Variants in CSMD1 observed in about 807,000 individuals in gnomAD.
CSMD1 encodes the protein CUB and Sushi multiple domains 1, also known as CUB and sushi domain-containing protein 1.
In CSMD1, 213 loss-of-function variants were observed where a neutral mutation model predicts 417.5. The observed-to-expected ratio is 0.51, with a 90% CI of 0.46 to 0.57. The LOEUF is 0.57. Ranked by LOEUF, CSMD1 falls within the 20% of genes least tolerant of loss-of-function variation. The probability of loss-of-function intolerance (pLI) is 0.00; values close to 1 mark genes in which losing one functional copy is unlikely to be tolerated. For missense variants in CSMD1, 6,923 were observed against 4,529.7 expected, an observed-to-expected ratio of 1.53 and a Z score of -15.17; for synonymous variants, 2,862 against 1,736.8, an observed-to-expected ratio of 1.65 and a Z score of -16.11.
intron 3 of CSMD1, among the ~76,000 whole-genome samples, chr8:4,128,852 TA>T (rs1288388564): frequency 6.6e-6 from 1 of 152,094 alleles, no homozygotes; most frequent in Admixed American, 6.5e-5. Flanking sequence ...TGGTAAGTGT[TA>T]CAGGCTCTGT....
intron 12 of CSMD1, among the ~76,000 whole-genome samples, chr8:3,431,802 T>G (rs905815896): frequency 2.0e-5 from 3 of 152,214 alleles, no homozygotes; most frequent in Non-Finnish European, 4.4e-5. Flanking sequence ...TTCATAACAT[T>G]GGAGAAAACA....
intron 7 of CSMD1, among the ~76,000 whole-genome samples, chr8:3,667,444 G>C (rs1340394372): frequency 2.0e-5 from 3 of 152,086 alleles, no homozygotes; most frequent in Non-Finnish European, 4.4e-5. Context: ...AGCAGCCATT[G>C]GCAAGGCCTT....
intron 5 of CSMD1, among the ~76,000 whole-genome samples, chr8:3,919,436 T>C (rs1250418596): frequency 2.6e-5 from 4 of 152,098 alleles, no homozygotes; most frequent in African/African-American, 9.7e-5. Context: ...TTTTGGTTAG[T>C]TGGCAGTTTT....
intron 3 of CSMD1, among the ~76,000 whole-genome samples, chr8:4,101,266 C>A (rs545412950): frequency 3.9e-5 from 6 of 152,312 alleles, no homozygotes; most frequent in African/African-American, 1.4e-4. Context: ...CTCATTGCAA[C>A]ACTTTGGTGT....
intron 5 of CSMD1, among the ~76,000 whole-genome samples, chr8:3,953,789 C>A (rs968567700): frequency 6.6e-6 from 1 of 152,092 alleles, no homozygotes; most frequent in Non-Finnish European, 1.5e-5. Context: ...AGCCCCGCAA[C>A]ACCTCAGAGC....
At chr8:4,189,709 C>T (rs1387240721) in intron 3 of CSMD1, among the ~76,000 whole-genome samples, 1 of 151,914 alleles carries the variant, frequency 6.6e-6, no homozygotes, top group Admixed American at 6.6e-5. Context: ...ATTAATTTTT[C>T]ATTTGTATTC....
chr8:3,008,440 G>T (rs369399871), intron 52 of CSMD1, among the ~76,000 whole-genome samples: 1 of 152,212 alleles, frequency 6.6e-6, no homozygotes, highest in Admixed American at 6.5e-5. Flanking sequence ...AGGGGCCTCC[G>T]CAAGGCCAGC....
intron 23 of CSMD1, among the ~76,000 whole-genome samples, chr8:3,324,734 C>G (rs1038721267): frequency 1.3e-5 from 2 of 148,454 alleles, no homozygotes; most frequent in Non-Finnish European, 3.0e-5. Context: ...AGACCCAGGA[C>G]GGGGCGTTTC....
chr8:3,097,785 G>A (rs994370072), intron 46 of CSMD1, among the ~76,000 whole-genome samples: 2 of 152,166 alleles, frequency 1.3e-5, no homozygotes, highest in African/African-American at 2.4e-5. Context: ...ACTGTACTTA[G>A]CATAGTAATA....
intron 2 of CSMD1, among the ~76,000 whole-genome samples, chr8:4,536,447 G>A (rs17344058): frequency 0.078 from 11,796 of 152,098 alleles, 561 homozygotes; most frequent in South Asian, 0.13. Flanking sequence ...TTGTATACGT[G>A]AAGTTTCAGC....
chr8:4,407,843 A>T (rs1342896348), intron 3 of CSMD1, among the ~76,000 whole-genome samples: 1 of 152,232 alleles, frequency 6.6e-6, no homozygotes, highest in Non-Finnish European at 1.5e-5. Context: ...GTCTTAAAAA[A>T]TGAAAAATCA....
At chr8:4,453,922 C>A (rs553736180) in intron 2 of CSMD1, among the ~76,000 whole-genome samples, 1 of 145,620 alleles carries the variant, frequency 6.9e-6, no homozygotes, top group South Asian at 2.2e-4. Context: ...CCCAGGTTCA[C>A]AGCATTCTCC....
chr8:4,687,595 G>A (rs1483100063), intron 1 of CSMD1, among the ~76,000 whole-genome samples: 1 of 152,116 alleles, frequency 6.6e-6, no homozygotes, highest in Non-Finnish European at 1.5e-5. Context: ...TAACAAGAAA[G>A]GTAGTTACTC....
Position 4,567,247 on chromosome 8 carries a change from G to A in CSMD1, c.302+70095C>T, listed in dbSNP as rs531584766. ...ATTGAATATAAGTGAGTGAATGAAT[G>A]GTTTCATTCACTACAATTGTAACGA... On this transcript the variant is annotated intron_variant, in intron 2 of 69. Transcript: ENST00000635120. Among the ~76,000 whole-genome samples, 8 of 152,174 alleles carry A rather than the reference G, an allele frequency of 5.3e-5. No individual in the cohort carries two copies. The South Asian group carries it at 1.7e-3, about 32-fold the overall frequency.
chr8:3,744,826 A>G (rs1796989129), intron 6 of CSMD1, among the ~76,000 whole-genome samples: 1 of 152,216 alleles, frequency 6.6e-6, no homozygotes, highest in African/African-American at 2.4e-5. Context: ...TCATATATCT[A>G]TGGAACTGAA....
intron 56 of CSMD1, among the ~76,000 whole-genome samples, chr8:2,974,036 GGTGGT>G: frequency 6.8e-6 from 1 of 146,148 alleles, no homozygotes; most frequent in African/African-American, 2.6e-5. Context: ...GGTAGAGGAT[GGTGGT>G]AGAGGATGGT....
chr8:3,706,555 A>G (rs998260731), intron 7 of CSMD1, among the ~76,000 whole-genome samples: 3 of 152,200 alleles, frequency 2.0e-5, no homozygotes, highest in Admixed American at 6.5e-5. Context: ...CATTATGCAT[A>G]TGTCAATTTG....
chr8:4,458,903 T>C (rs370049159), intron 2 of CSMD1, among the ~76,000 whole-genome samples: 1 of 152,116 alleles, frequency 6.6e-6, no homozygotes, highest in East Asian at 1.9e-4. Context: ...GGGTGGAGAA[T>C]GTATTAAAAA....
intron 3 of CSMD1, among the ~76,000 whole-genome samples, chr8:4,264,225 G>C (rs1804086680): frequency 6.6e-6 from 1 of 152,128 alleles, no homozygotes; most frequent in Admixed American, 6.6e-5. Flanking sequence ...TTAATTATTA[G>C]AATTTCCTCG....
Sources: allele counts gnomAD v4.1 joint callset (sites outside exome capture counted in the v4.1 genomes callset), GRCh38; gene constraint gnomAD v4.1.1; transcripts MANE v1.5; gene names NCBI Gene and HGNC (gene_info 2026-07-23, HGNC 2026-07-21).